Variants in PXDNL observed in about 807,000 individuals in gnomAD.
The protein encoded by PXDNL is probable oxidoreductase PXDNL.
In PXDNL, 145 loss-of-function variants were observed where a neutral mutation model predicts 150.8. The observed-to-expected ratio is 0.96, with a 90% CI of 0.84 to 1.10. The LOEUF (loss-of-function observed/expected upper bound fraction) is 1.10. Among genes scored for constraint, PXDNL ranks in the 50% least tolerant of loss-of-function variants. The pLI, the probability that PXDNL is intolerant of heterozygous loss-of-function variation, is 0.00. For missense variants in PXDNL, 2,087 were observed against 1,873.9 expected (o/e 1.11, Z -2.10); for synonymous variants, 757 against 725.7 (o/e 1.04, Z -0.69).
chr8:51,362,364 C>A lies in PXDNL; in HGVS notation c.3901+9509G>T, dbSNP rs1036665949. Among the ~76,000 whole-genome samples the A allele has an allele frequency of 8.5e-5, 13 of 152,274 alleles. No individual in the cohort carries two copies. The South Asian group carries it at 1.7e-3, about 19-fold the overall frequency. Reference sequence around the variant, plus strand: ...TAGTAGCTAAGTTAAAAAGAACACCCATGGAACTAAAATATGCCTTTCTGG... The same window carrying A: ...TAGTAGCTAAGTTAAAAAGAACACCAATGGAACTAAAATATGCCTTTCTGG... On this transcript the variant is annotated intron_variant, in intron 19 of 22. Coordinates refer to ENST00000356297, the MANE Select transcript of PXDNL (RefSeq NM_144651.5).
intron 1 of PXDNL, among the ~76,000 whole-genome samples, chr8:51,705,828 TGTGTGC>T (rs1163225949): frequency 6.9e-5 from 4 of 57,790 alleles, no homozygotes; most frequent in Non-Finnish European, 1.3e-4. Context: ...TGTGTGTGTG[TGTGTGC>T]GCGCGCGCGC....
chr8:51,732,534 C>T (rs1300095059), intron 1 of PXDNL, among the ~76,000 whole-genome samples: 4 of 152,326 alleles, frequency 2.6e-5, no homozygotes, highest in African/African-American at 9.6e-5. Flanking sequence ...GTCGCTTCCA[C>T]AGTTTCGGGT....
At chr8:51,357,590 T>A (rs1806551893) in intron 19 of PXDNL, among the ~76,000 whole-genome samples, 1 of 152,208 alleles carries the variant, frequency 6.6e-6, no homozygotes, top group Admixed American at 6.5e-5. Flanking sequence ...AGAGTCAGTA[T>A]ACACACACAA....
chr8:51,789,069 C>T (rs1165601195), intron 1 of PXDNL, among the ~76,000 whole-genome samples: 1 of 151,980 alleles, frequency 6.6e-6, no homozygotes, highest in Non-Finnish European at 1.5e-5. Flanking sequence ...GCTATCTGCC[C>T]ATCCTTTTTA....
At chr8:51,352,009 A>G (rs1186333837) in intron 19 of PXDNL, among the ~76,000 whole-genome samples, 3 of 152,104 alleles carry the variant, frequency 2.0e-5, no homozygotes, top group Non-Finnish European at 2.9e-5. Flanking sequence ...GATTAGAAGC[A>G]GGTCACAGGT....
intron 2 of PXDNL, among the ~76,000 whole-genome samples, chr8:51,627,540 G>A (rs555748468): frequency 2.0e-4 from 31 of 152,188 alleles, no homozygotes; most frequent in African/African-American, 7.5e-4. Flanking sequence ...AATACCATGA[G>A]ACGAGGTGAG....
chr8:51,411,150 C>T, intron 16 of PXDNL, 100 bp downstream of exon 16: 1 of 1,009,540 alleles, frequency 9.9e-7, no homozygotes, highest in Non-Finnish European at 1.3e-6. Flanking sequence ...TTCTAAATCC[C>T]ATGATATTCT....
chr8:51,662,985 C>T (rs1815307233), intron 1 of PXDNL, among the ~76,000 whole-genome samples: 1 of 152,194 alleles, frequency 6.6e-6, no homozygotes, highest in Admixed American at 6.5e-5. Flanking sequence ...TGAATTGGCC[C>T]AGCCTTTGGC....
intron 1 of PXDNL, among the ~76,000 whole-genome samples, chr8:51,797,780 C>T (rs1173323076): frequency 6.6e-6 from 1 of 152,096 alleles, no homozygotes; most frequent in Non-Finnish European, 1.5e-5. Flanking sequence ...ATGCTATTCC[C>T]ATTAAACTAC....
chr8:51,448,617 G>A (rs2129938350), intron 11 of PXDNL, among the ~76,000 whole-genome samples: 1 of 152,190 alleles, frequency 6.6e-6, no homozygotes, highest in Admixed American at 6.5e-5. Context: ...GAAGAATGGC[G>A]TGAACCCGGG....
intron 2 of PXDNL, among the ~76,000 whole-genome samples, chr8:51,598,137 T>C (rs1219113129): frequency 6.6e-6 from 1 of 152,220 alleles, no homozygotes; most frequent in Non-Finnish European, 1.5e-5. Context: ...AGGTTTATGG[T>C]GGAATTTTTA....
At chr8:51,600,009 C>T (rs1286361587) in intron 2 of PXDNL, among the ~76,000 whole-genome samples, 5 of 75,096 alleles carry the variant, frequency 6.7e-5, no homozygotes, top group African/African-American at 1.2e-4. Context: ...ATATAAATGA[C>T]ATCGTTTAGA....
At chr8:51,760,921 C>G (rs1308847886) in intron 1 of PXDNL, among the ~76,000 whole-genome samples, 1 of 121,172 alleles carries the variant, frequency 8.3e-6, no homozygotes, top group Admixed American at 1.1e-4. Context: ...TGCAGTGGCG[C>G]GATCTCAGCT....
At chr8:51,486,782 ATATATATATATATTTTTTTTTTTT>A (rs1228020461) in intron 5 of PXDNL, among the ~76,000 whole-genome samples, 4 of 21,424 alleles carry the variant, frequency 1.9e-4, no homozygotes, top group African/African-American at 5.8e-4. Flanking sequence ...ATATATATAT[ATATATATATATATTTTTTTTTTTT>A]TTTTTTTTTT....
At chr8:51,437,637 A>G (rs1402846904) in intron 12 of PXDNL, among the ~76,000 whole-genome samples, 1 of 152,244 alleles carries the variant, frequency 6.6e-6, no homozygotes, top group Non-Finnish European at 1.5e-5. Flanking sequence ...AAAATCCAGC[A>G]TCTCTTTATG....
chr8:51,667,074 A>G (rs1815401703), intron 1 of PXDNL, among the ~76,000 whole-genome samples: 1 of 151,926 alleles, frequency 6.6e-6, no homozygotes, highest in Non-Finnish European at 1.5e-5. Flanking sequence ...ATCCCACCCA[A>G]TTTCTTTCTA....
At chr8:51,808,204 T>A (rs1273806375) in intron 1 of PXDNL, among the ~76,000 whole-genome samples, 15 of 152,218 alleles carry the variant, frequency 9.9e-5, no homozygotes, top group Admixed American at 9.8e-4. Context: ...TTTTAAGCTA[T>A]TTCCCTCTGC....
chr8:51,596,815 G>A (rs377172988), intron 2 of PXDNL, among the ~76,000 whole-genome samples: 18 of 151,952 alleles, frequency 1.2e-4, no homozygotes, highest in African/African-American at 2.9e-4. Flanking sequence ...GACCTTTATC[G>A]GATGCACAGT....
rs182469284 is a variant in PXDNL, at chr8:51,411,309, G to A, written c.2003C>T (p.Thr668Met). Reference sequence around the variant, plus strand: ...CACACGTTCCCGTATCAGCTGCAGCGTGTGCTCAAAAATCTCCCCTGCTCT... The same window carrying A: ...CACACGTTCCCGTATCAGCTGCAGCATGTGCTCAAAAATCTCCCCTGCTCT... ...MARAGEIFEHTLQLIRERVKQ... is the reference protein window; with the variant it reads ...MARAGEIFEHMLQLIRERVKQ... Residue 668 changes from threonine to methionine, a missense_variant, in exon 16 of 23, where the codon ACG (threonine) becomes ATG (methionine). Coordinates refer to ENST00000356297, the MANE Select transcript of PXDNL (RefSeq NM_144651.5). 36 of 1,577,194 alleles carry A rather than the reference G, an allele frequency of 2.3e-5. No homozygotes were observed. Among genetic ancestry groups the A allele is most frequent in the South Asian group, 5.9e-5 (5 of 84,882 alleles).
Sources: gnomAD v4.1 joint callset for allele counts (sites outside exome capture counted in the v4.1 genomes callset) on GRCh38, gnomAD v4.1.1 for gene constraint, MANE v1.5 for transcripts, NCBI Gene and HGNC (gene_info 2026-07-23, HGNC 2026-07-21) for gene names.